The following CYB5R4 variants were observed in gnomAD, a reference collection of about 807,000 sequenced individuals.
CYB5R4 encodes the protein N-terminal cytochrome b5 and cytochrome b5 oxidoreductase domain-containing protein.
A neutral mutation model predicts 70.2 loss-of-function variants in CYB5R4; 55 were observed. The observed-to-expected ratio is 0.78, with a 90% CI of 0.63 to 0.98. The LOEUF is 0.98. Among genes scored for constraint, CYB5R4 ranks in the 50% least tolerant of loss-of-function variants. The pLI is 0.00. For synonymous variants in CYB5R4, 197 were observed against 199.5 expected (o/e 0.99, Z 0.11); for missense variants, 562 against 612.6 (o/e 0.92, Z 0.87).
chr6:83,952,873 G>A (rs939056261), intron 14 of CYB5R4, among the ~76,000 whole-genome samples: 9 of 152,150 alleles, frequency 5.9e-5, no homozygotes, highest in African/African-American at 1.9e-4. Flanking sequence ...GTCTTCTGAT[G>A]TCAGTATTGG....
chr6:83,899,695 A>G (rs1208623179), intron 3 of CYB5R4, among the ~76,000 whole-genome samples: 1 of 152,022 alleles, frequency 6.6e-6, no homozygotes, highest in African/African-American at 2.4e-5. Flanking sequence ...TAGTCTTGGG[A>G]GGGTGTATGT....
Position 83,963,032 on chromosome 6 carries a change from T to C in CYB5R4, c.*3154T>C, listed in dbSNP as rs1373921102. ...GCTTTTAAGATCTCATGTGGTTAGA[T>C]TGGACCTATCCAGATATCCAGGGTA... On this transcript the variant is annotated 3_prime_UTR_variant, in exon 16 of 16. Coordinates refer to ENST00000369681, the MANE Select transcript of CYB5R4 (RefSeq NM_016230.4). 3.9e-5 allele frequency: 6 copies of C among 152,232 alleles called. No individual in the cohort carries two copies. Among genetic ancestry groups the C allele is most frequent in the Non-Finnish European group, 5.9e-5 (4 of 68,046 alleles). The allele number at this position is 152,232 out of a possible 1,614,324, so 9.4% of individuals were successfully genotyped here. A position where few individuals can be genotyped will look rare whatever the true frequency, so the allele number is the denominator to read the frequency against.
At chr6:83,909,514 C>T (rs1003882977) in intron 4 of CYB5R4, among the ~76,000 whole-genome samples, 4 of 152,138 alleles carry the variant, frequency 2.6e-5, no homozygotes, top group African/African-American at 9.7e-5. Flanking sequence ...CTTTAAACTT[C>T]TTCTAAAGTA....
chr6:83,963,102 G>A lies in CYB5R4; in HGVS notation c.*3224G>A, dbSNP rs2099473577. 1 of 152,134 alleles carries A rather than the reference G, an allele frequency of 6.6e-6. No homozygotes were observed. 9.4% of individuals were successfully genotyped at this position (152,134 alleles called of 1,614,324 possible). On this transcript the variant is annotated 3_prime_UTR_variant, in exon 16 of 16. Transcript: ENST00000369681. Reference sequence around the variant, plus strand: ...CTATAATTTTAATTATAGCTGTAAAGTCCCTTTTCCTATATAATATATTCA... The same window carrying A: ...CTATAATTTTAATTATAGCTGTAAAATCCCTTTTCCTATATAATATATTCA...
At chr6:83,886,312 C>T (rs2099460242) in intron 2 of CYB5R4, among the ~76,000 whole-genome samples, 1 of 152,180 alleles carries the variant, frequency 6.6e-6, no homozygotes, top group African/African-American at 2.4e-5. Flanking sequence ...AGTACTGCCA[C>T]ATTGGGGATT....
intron 11 of CYB5R4, 59 bp downstream of exon 11, chr6:83,934,794 G>A: frequency 8.4e-6 from 12 of 1,423,430 alleles, no homozygotes; most frequent in Non-Finnish European, 9.5e-6. Flanking sequence ...TTCAAAATCA[G>A]TACTATTCTC....
chr6:83,872,068 C>A (rs142404094), intron 2 of CYB5R4, among the ~76,000 whole-genome samples: 18 of 152,088 alleles, frequency 1.2e-4, no homozygotes, highest in Non-Finnish European at 2.5e-4. Context: ...GCATTTGCAT[C>A]CTTATATTTC....
intron 2 of CYB5R4, among the ~76,000 whole-genome samples, chr6:83,866,240 T>C (rs1326229595): frequency 6.6e-6 from 1 of 152,206 alleles, no homozygotes; most frequent in Non-Finnish European, 1.5e-5. Flanking sequence ...AGTTAGACTT[T>C]ATTATTCATA....
At position 83,927,930 on chromosome 6, in the gene CYB5R4, C is replaced by T. The variant is rs145536891; in HGVS notation, c.814+3338C>T. On this transcript the variant is annotated intron_variant, in intron 10 of 15. Transcript: ENST00000369681. Reference sequence around the variant, plus strand: ...TCCAGGAGCCCACCAGGATTCTCCCCATTAGAACAAAAGATGCTCCTATCA... The same window carrying T: ...TCCAGGAGCCCACCAGGATTCTCCCTATTAGAACAAAAGATGCTCCTATCA... 6.6e-5 allele frequency among the ~76,000 whole-genome samples: 10 copies of T among 152,232 alleles called. No individual in the cohort carries two copies. The East Asian group carries it at 1.7e-3, about 27-fold the overall frequency.
At chr6:83,868,781 T>C (rs924380890) in intron 2 of CYB5R4, among the ~76,000 whole-genome samples, 1 of 152,236 alleles carries the variant, frequency 6.6e-6, no homozygotes, top group African/African-American at 2.4e-5. Context: ...TAGATCAGAC[T>C]GTTTTTACTG....
chr6:83,864,787 A>G (rs933253057), intron 2 of CYB5R4, among the ~76,000 whole-genome samples: 1 of 152,200 alleles, frequency 6.6e-6, no homozygotes, highest in South Asian at 2.1e-4. Flanking sequence ...ATTACATGGT[A>G]TATGTTTCTT....
intron 2 of CYB5R4, among the ~76,000 whole-genome samples, chr6:83,876,000 C>T (rs187751491): frequency 1.6e-3 from 251 of 152,206 alleles, no homozygotes; most frequent in African/African-American, 4.9e-3. Flanking sequence ...CGCTCTGGTT[C>T]GAACGCCTCT....
intron 2 of CYB5R4, among the ~76,000 whole-genome samples, chr6:83,877,868 G>A (rs2099458821): frequency 6.6e-6 from 1 of 152,012 alleles, no homozygotes; most frequent in African/African-American, 2.4e-5. Flanking sequence ...CCTGCTTGGG[G>A]TTCTCCAAAT....
intron 4 of CYB5R4, 87 bp from the exon 5 acceptor site, chr6:83,914,329 G>A (rs2099465151): frequency 8.0e-6 from 11 of 1,370,942 alleles, no homozygotes; most frequent in Non-Finnish European, 1.1e-5. Context: ...AAGAAGGGAT[G>A]TTATCTTGAA....
intron 15 of CYB5R4, among the ~76,000 whole-genome samples, chr6:83,956,732 C>A (rs1188716431): frequency 6.6e-6 from 1 of 152,070 alleles, no homozygotes. Context: ...GGCAAAGAAA[C>A]ATGTTTTGGG....
intron 6 of CYB5R4, among the ~76,000 whole-genome samples, chr6:83,918,501 T>C (rs2099465860): frequency 6.6e-6 from 1 of 152,044 alleles, no homozygotes; most frequent in African/African-American, 2.4e-5. Flanking sequence ...GGTATGACAG[T>C]ATATGAGCAT....
At chr6:83,908,470 T>G (rs999868785) in intron 3 of CYB5R4, among the ~76,000 whole-genome samples, 2 of 152,196 alleles carry the variant, frequency 1.3e-5, no homozygotes. Flanking sequence ...ATTTCCCACT[T>G]TGTCACACAA....
At chr6:83,957,713 T>C (rs1019428659) in intron 15 of CYB5R4, among the ~76,000 whole-genome samples, 1 of 152,062 alleles carries the variant, frequency 6.6e-6, no homozygotes, top group Non-Finnish European at 1.5e-5. Flanking sequence ...AATGCTGTGC[T>C]AACTGGCTTA....
chr6:83,859,988 C>T (rs2099455683), intron 1 of CYB5R4, 131 bp downstream of exon 1: 1 of 821,008 alleles, frequency 1.2e-6, no homozygotes. Flanking sequence ...TCCTTGCCTG[C>T]AACCTCTTTC....
Sources: allele counts gnomAD v4.1 joint callset (sites outside exome capture counted in the v4.1 genomes callset), GRCh38; gene constraint gnomAD v4.1.1; transcripts MANE v1.5; gene names NCBI Gene and HGNC (gene_info 2026-07-23, HGNC 2026-07-21).